Variants in RYR3 observed in about 807,000 individuals in gnomAD.
RYR3 encodes the protein brain ryanodine receptor-calcium release channel.
RYR3 carries 207 observed loss-of-function variants against 584.3 expected under a neutral mutation model. The ratio of observed to expected loss-of-function variants is 0.35; its 90% CI spans 0.32 to 0.40. The LOEUF is 0.40. Ranked by LOEUF, RYR3 falls within the 10% of genes least tolerant of loss-of-function variation. RYR3 has a pLI of 1.00. For synonymous variants in RYR3, 2,416 were observed against 2,248.5 expected (o/e 1.07, Z -2.11); for missense variants, 5,616 against 6,089.2 (o/e 0.92, Z 2.59).
intron 19 of RYR3, among the ~76,000 whole-genome samples, chr15:33,619,042 A>G (rs2060589669): frequency 6.6e-6 from 1 of 152,156 alleles, no homozygotes; most frequent in African/African-American, 2.4e-5. Flanking sequence ...ACACATCCCA[A>G]AACTTCACTA....
chr15:33,463,317 C>T (rs1466157692), intron 1 of RYR3, among the ~76,000 whole-genome samples: 2 of 152,140 alleles, frequency 1.3e-5, no homozygotes, highest in Non-Finnish European at 2.9e-5. Context: ...TCATTCTTCT[C>T]CATGGCTGTT....
At chr15:33,534,521 T>A (rs560059712) in intron 5 of RYR3, among the ~76,000 whole-genome samples, 116 of 152,326 alleles carry the variant, frequency 7.6e-4, no homozygotes, top group East Asian at 1.3e-3. Flanking sequence ...TATTATTATT[T>A]TTTTTTTAGT....
intron 3 of RYR3, among the ~76,000 whole-genome samples, chr15:33,514,419 C>T (rs2053317540): frequency 6.6e-6 from 1 of 152,028 alleles, no homozygotes; most frequent in Non-Finnish European, 1.5e-5. Flanking sequence ...GTAAATGAGG[C>T]CCGCACCACG....
At chr15:33,712,909 A>G (rs990460501) in intron 43 of RYR3, among the ~76,000 whole-genome samples, 1 of 152,216 alleles carries the variant, frequency 6.6e-6, no homozygotes, top group East Asian at 1.9e-4. Context: ...TGAGGCTTAA[A>G]TGAAATAATC....
At chr15:33,335,652 T>C (rs1970875280) in intron 1 of RYR3, among the ~76,000 whole-genome samples, 1 of 151,638 alleles carries the variant, frequency 6.6e-6, no homozygotes, top group Non-Finnish European at 1.5e-5. Flanking sequence ...ATGTTACATA[T>C]GTACCAAACT....
chr15:33,644,636 C>T (rs754773045), intron 28 of RYR3, 117 bp downstream of exon 28: 1 of 701,534 alleles, frequency 1.4e-6, no homozygotes, highest in Non-Finnish European at 2.5e-6. Flanking sequence ...TGGCCACTTA[C>T]CAGCCACCTC....
At chr15:33,726,311 A>C in intron 45 of RYR3, 75 bp from the exon 46 acceptor site, 11 of 1,565,426 alleles carry the variant, frequency 7.0e-6, no homozygotes, top group Non-Finnish European at 7.8e-6. Flanking sequence ...TTTTACTGCC[A>C]GAGGTTTGGA....
chr15:33,490,744 T>TA (rs3084449), intron 2 of RYR3, among the ~76,000 whole-genome samples: 37,504 of 142,200 alleles, frequency 0.26, 5,474 homozygotes, highest in African/African-American at 0.41. Flanking sequence ...TTACTCTTGT[T>TA]AAAAAAAAAA....
At chr15:33,724,335 A>G (rs1177840520) in intron 45 of RYR3, among the ~76,000 whole-genome samples, 159 bp downstream of exon 45, 1 of 152,182 alleles carries the variant, frequency 6.6e-6, no homozygotes, top group African/African-American at 2.4e-5. Context: ...CACCTCTGAT[A>G]CGTGACTCTG....
chr15:33,518,566 T>C (rs2053716945), intron 3 of RYR3, among the ~76,000 whole-genome samples: 1 of 152,184 alleles, frequency 6.6e-6, no homozygotes, highest in Non-Finnish European at 1.5e-5. Flanking sequence ...AGTCAGGTTT[T>C]ACTGTCAGCC....
In RYR3 at chr15:33,549,069, G is replaced by GT. The variant is rs66718943; in HGVS notation, c.815+875dup. Reference sequence around the variant, plus strand: ...TTACACCATACACACATATGCACACGTTTTTTTTTTCTGATAAATTGGCGG... The same window carrying GT: ...TTACACCATACACACATATGCACACGTTTTTTTTTTTCTGATAAATTGGCGG... On this transcript the variant is annotated intron_variant, in intron 9 of 103. Coordinates refer to ENST00000634891, the MANE Select transcript of RYR3 (RefSeq NM_001036.6). 7.7e-4 allele frequency among the ~76,000 whole-genome samples: 116 copies of GT among 151,360 alleles called. No individual in the cohort carries two copies. In the Middle Eastern group the frequency reaches 0.034, roughly 45 times the overall value.
chr15:33,619,880 T>A (rs1366709466), intron 19 of RYR3, among the ~76,000 whole-genome samples: 1 of 152,160 alleles, frequency 6.6e-6, no homozygotes, highest in Non-Finnish European at 1.5e-5. Flanking sequence ...TGTGTAGCAG[T>A]TGTACAGTTG....
intron 1 of RYR3, among the ~76,000 whole-genome samples, chr15:33,400,304 G>T (rs1220586355): frequency 6.6e-6 from 1 of 152,096 alleles, no homozygotes; most frequent in African/African-American, 2.4e-5. Context: ...AAAGTGTCCC[G>T]ATTTGGAAAA....
chr15:33,799,081 A>C (rs1448414174), intron 67 of RYR3, among the ~76,000 whole-genome samples: 1 of 152,144 alleles, frequency 6.6e-6, no homozygotes, highest in Non-Finnish European at 1.5e-5. Flanking sequence ...ACAATAGTTT[A>C]ACTTGTGTCA....
intron 15 of RYR3, 58 bp from the exon 16 acceptor site, chr15:33,585,940 G>A: frequency 2.1e-6 from 2 of 966,884 alleles, no homozygotes; most frequent in Non-Finnish European, 3.4e-6. Context: ...TTTCTAAATT[G>A]TGGTCACTTC....
chr15:33,434,194 C>T (rs1031985980), intron 1 of RYR3, among the ~76,000 whole-genome samples: 1 of 152,178 alleles, frequency 6.6e-6, no homozygotes, highest in African/African-American at 2.4e-5. Context: ...GAGAGCCCAT[C>T]AAACCAGTAA....
chr15:33,603,428 CAAG>C, intron 18 of RYR3, 64 bp downstream of exon 18: 1 of 1,487,970 alleles, frequency 6.7e-7, no homozygotes, highest in Non-Finnish European at 9.0e-7. Context: ...TCAAATTATT[CAAG>C]CTGAAATGAC....
chr15:33,453,099 C>T (rs570565330), intron 1 of RYR3, among the ~76,000 whole-genome samples: 35 of 152,202 alleles, frequency 2.3e-4, no homozygotes, highest in African/African-American at 8.2e-4. Flanking sequence ...GAACTGCAGG[C>T]CAAAGCTTCA....
At chr15:33,836,760 A>C in intron 87 of RYR3, 146 bp from the exon 88 acceptor site, 1 of 582,802 alleles carries the variant, frequency 1.7e-6, no homozygotes. Context: ...ACGATAAGGC[A>C]TCCTCATTCA....
Sources: gnomAD v4.1 joint callset for allele counts (sites outside exome capture counted in the v4.1 genomes callset) on GRCh38, gnomAD v4.1.1 for gene constraint, MANE v1.5 for transcripts, NCBI Gene and HGNC (gene_info 2026-07-23, HGNC 2026-07-21) for gene names.